USP30: variants seen among roughly 807,000 people sequenced by gnomAD.
The protein encoded by USP30 is ubiquitin specific peptidase 30, also known as ubiquitin carboxyl-terminal hydrolase 30.
USP30 carries 41 observed loss-of-function variants against 68.2 expected under a neutral mutation model. That is an observed-to-expected ratio of 0.60 (90% CI 0.47 to 0.78). The LOEUF is 0.78. USP30 is among the 30% of genes least tolerant of loss of function. The pLI, the probability that USP30 is intolerant of heterozygous loss-of-function variation, is 0.00. For synonymous variants in USP30, 229 were observed against 253.7 expected, an observed-to-expected ratio of 0.90 and a Z score of 0.93; for missense variants, 522 against 649.4, an observed-to-expected ratio of 0.80 and a Z score of 2.13.
At chr12:109,065,338 G>GT (rs981942362) in intron 3 of USP30, among the ~76,000 whole-genome samples, 3 of 152,198 alleles carry the variant, frequency 2.0e-5, no homozygotes, top group African/African-American at 7.2e-5. Context: ...CCCACCACCT[G>GT]TTTTTGTCAA....
At chr12:109,037,699 T>G (rs1243283245) in intron 3 of USP30, among the ~76,000 whole-genome samples, 1 of 152,208 alleles carries the variant, frequency 6.6e-6, no homozygotes, top group African/African-American at 2.4e-5. Flanking sequence ...AGCTAATAAT[T>G]GGATAGAGAT....
chr12:109,051,404 G>A (rs564893317), upstream of USP30, among the ~76,000 whole-genome samples: 33 of 149,808 alleles, frequency 2.2e-4, no homozygotes, highest in Non-Finnish European at 3.3e-4. Flanking sequence ...TTACAGGCAC[G>A]CGCCACCACA....
At chr12:109,067,107 ATTTTTTTTTTTT>A (rs754748366) in intron 3 of USP30, among the ~76,000 whole-genome samples, 1 of 104,570 alleles carries the variant, frequency 9.6e-6, no homozygotes, top group South Asian at 2.8e-4. Flanking sequence ...ACAGTCCTTA[ATTTTTTTTTTTT>A]TTTTTTTTTT....
chr12:109,081,410 G>A lies in USP30; in HGVS notation c.780+17G>A, dbSNP rs1158269227. Reference sequence around the variant, plus strand: ...GCCACATGGGTATGTACTGATTTATGGTTTATTTGGAGTCTGTTTCAGAAA... The same window carrying A: ...GCCACATGGGTATGTACTGATTTATAGTTTATTTGGAGTCTGTTTCAGAAA... On this transcript the variant is annotated intron_variant, in intron 8 of 12. Coordinates refer to ENST00000257548, the MANE Select transcript of USP30 (RefSeq NM_032663.5). 6.2e-7 allele frequency: 1 copy of A among 1,612,786 alleles called. No individual in the cohort carries two copies. The highest frequency in any genetic ancestry group is 2.2e-5 in the East Asian group (1 of 44,864).
At chr12:109,037,571 G>C (rs2040530865) in intron 3 of USP30, among the ~76,000 whole-genome samples, 1 of 152,100 alleles carries the variant, frequency 6.6e-6, no homozygotes, top group East Asian at 1.9e-4. Flanking sequence ...CTCAGGGCTT[G>C]TTTTTGCTGC....
chr12:109,046,626 C>T (rs2040607788), intron 3 of USP30, among the ~76,000 whole-genome samples: 3 of 152,188 alleles, frequency 2.0e-5, no homozygotes, highest in African/African-American at 4.8e-5. Context: ...TTAACCATCA[C>T]ACCCAGGGAA....
At chr12:109,046,085 A>G (rs2040601843) in intron 3 of USP30, among the ~76,000 whole-genome samples, 1 of 143,228 alleles carries the variant, frequency 7.0e-6, no homozygotes, top group Non-Finnish European at 1.5e-5. Flanking sequence ...GCTTGGGGGA[A>G]GTCAGTCTTT....
chr12:109,076,586 T>G (rs1388265557), intron 7 of USP30, among the ~76,000 whole-genome samples: 46 of 152,146 alleles, frequency 3.0e-4, no homozygotes, highest in Admixed American at 2.9e-3. Flanking sequence ...TTTATCATAC[T>G]GACAAACTTC....
chr12:109,081,623 GCACACACACACACACACACACA>G, intron 8 of USP30: 3 of 499,556 alleles, frequency 6.0e-6, no homozygotes, highest in Non-Finnish European at 7.1e-6. Flanking sequence ...ACGCATGCGC[GCACACACACACACACACACACA>G]CACACACACA....
chr12:109,058,041 C>T lies in USP30; in HGVS notation c.309C>T (p.Tyr103=). 2 of 1,614,198 alleles carry T rather than the reference C, an allele frequency of 1.2e-6. No individual in the cohort carries two copies. Among genetic ancestry groups the T allele is most frequent in the African/African-American group, 1.3e-5 (1 of 75,040 alleles). The change falls in exon 3 of 13, where the codon TAC becomes TAT. Residue 103 remains tyrosine, a synonymous_variant. Transcript: ENST00000257548. ...IRWLEEFTSQ[Y]SRDQKEPPSH... is the part of the protein sequence containing the mutation. ...GGCTGGAAGAGTTCACCTCCCAGTA[C>T]TCCAGGGATCAGAAGGAGCCCCCCT... is the stretch of plus-strand genomic sequence containing the variant.
intron 3 of USP30, among the ~76,000 whole-genome samples, chr12:109,063,637 T>C (rs1182372461): frequency 3.3e-5 from 5 of 152,220 alleles, no homozygotes; most frequent in Non-Finnish European, 5.9e-5. Flanking sequence ...TTTCCACAGA[T>C]GGTGCACGAT....
At chr12:109,081,287 G>A (rs770850030) in intron 7 of USP30, 47 bp from the exon 8 acceptor site, 3 of 1,600,234 alleles carry the variant, frequency 1.9e-6, no homozygotes, top group East Asian at 2.2e-5. Context: ...TTAAAACTTT[G>A]AACTAAGCCT....
intron 3 of USP30, among the ~76,000 whole-genome samples, chr12:109,030,010 A>G (rs1313258681): frequency 6.6e-6 from 1 of 152,178 alleles, no homozygotes; most frequent in African/African-American, 2.4e-5. Context: ...ATTTCCAGTA[A>G]TCATTATTGA....
chr12:109,052,641 A>C lies in USP30; in HGVS notation c.-38A>C. ...TCGGTCCGGCGGCGGCGGCGGCGGT[A>C]GCGGAGGAGACGGTTTCAGGCCTCC... On this transcript the variant is annotated 5_prime_UTR_variant, in exon 1 of 13. Coordinates refer to ENST00000257548, the MANE Select transcript of USP30 (RefSeq NM_032663.5). The C allele has an allele frequency of 1.8e-6, 2 of 1,140,802 alleles. No individual in the cohort carries two copies. Among genetic ancestry groups the C allele is most frequent in the Non-Finnish European group, 2.3e-6 (2 of 858,062 alleles). The allele number at this position is 1,140,802 out of a possible 1,614,324, so 70.7% of individuals were successfully genotyped here. A position where few individuals can be genotyped will look rare whatever the true frequency, so the allele number is the denominator to read the frequency against.
At chr12:109,085,424 G>A (rs984524950) in intron 12 of USP30, among the ~76,000 whole-genome samples, 1 of 152,080 alleles carries the variant, frequency 6.6e-6, no homozygotes, top group African/African-American at 2.4e-5. Context: ...TACATATAGT[G>A]TACATAAACA....
At chr12:109,044,217 G>A (rs756808794) in intron 3 of USP30, among the ~76,000 whole-genome samples, 2 of 152,240 alleles carry the variant, frequency 1.3e-5, no homozygotes, top group Non-Finnish European at 2.9e-5. Flanking sequence ...TGAGGAGCGT[G>A]TAGAATGAGG....
At chr12:109,031,132 G>A (rs2040477807) in intron 3 of USP30, among the ~76,000 whole-genome samples, 1 of 151,800 alleles carries the variant, frequency 6.6e-6, no homozygotes, top group South Asian at 2.1e-4. Context: ...TCTTAATATA[G>A]TATATTTTAT....
chr12:109,044,048 T>C (rs2040583338), intron 3 of USP30, among the ~76,000 whole-genome samples: 1 of 152,152 alleles, frequency 6.6e-6, no homozygotes, highest in African/African-American at 2.4e-5. Context: ...GGAAGGAAAT[T>C]CTGCAATATG....
In USP30 at chr12:109,071,617, T is replaced by C; in HGVS notation, c.486T>C (p.Ala162=). 6 of 1,614,102 alleles carry C rather than the reference T, an allele frequency of 3.7e-6. No homozygotes were observed. The highest frequency in any genetic ancestry group is 5.1e-6 in the Non-Finnish European group (6 of 1,179,966). ...AATGCTTTGCCCTATGACAGGATGC[T>C]CACGAATTATTCCATGTCATTACCT... ...WQISSFEEQD[A]HELFHVITSS... The change falls in exon 5 of 13, where the codon GCT becomes GCC. Residue 162 remains alanine, a synonymous_variant. Coordinates refer to ENST00000257548, the MANE Select transcript of USP30 (RefSeq NM_032663.5).
Sources: allele counts gnomAD v4.1 joint callset (sites outside exome capture counted in the v4.1 genomes callset), GRCh38; gene constraint gnomAD v4.1.1; transcripts MANE v1.5; gene names NCBI Gene and HGNC (gene_info 2026-07-23, HGNC 2026-07-21).